The following NLGN1 variants were observed in gnomAD, a reference collection of about 807,000 sequenced individuals.
The protein encoded by NLGN1 is neuroligin-1.
A neutral mutation model predicts 65.5 loss-of-function variants in NLGN1; 12 were observed. The ratio of observed to expected loss-of-function variants is 0.18; its 90% CI spans 0.12 to 0.30. NLGN1 has a LOEUF of 0.30. Ranked by LOEUF, NLGN1 falls within the 10% of genes least tolerant of loss-of-function variation. The pLI, the probability that NLGN1 is intolerant of heterozygous loss-of-function variation, is 1.00. For synonymous variants in NLGN1, 350 were observed against 359.5 expected, an observed-to-expected ratio of 0.97 and a Z score of 0.30; for missense variants, 750 against 1,007.1, an observed-to-expected ratio of 0.74 and a Z score of 3.46.
In NLGN1 at chr3:173,805,481, A is replaced by G. The variant is rs537098921; in HGVS notation, c.494-2199A>G. Among the ~76,000 whole-genome samples, 12 of 152,300 alleles carry G rather than the reference A, an allele frequency of 7.9e-5. No homozygotes were observed. The South Asian group carries it at 2.1e-3, about 26-fold the overall frequency. On this transcript the variant is annotated intron_variant, in intron 3 of 6. Coordinates refer to ENST00000457714, the Ensembl canonical transcript of NLGN1. ...CCACTCAAAATAGCTCCTAGAATCT[A>G]TTGTCATATTTTCAGTGTTTTCTGA... is the stretch of plus-strand genomic sequence containing the variant.
chr3:173,581,793 T>A (rs943331251), intron 2 of NLGN1, among the ~76,000 whole-genome samples: 1 of 151,936 alleles, frequency 6.6e-6, no homozygotes, highest in East Asian at 1.9e-4. Flanking sequence ...TTCACAGGAA[T>A]AATGTAGTCT....
At chr3:174,275,055 CT>C (rs1750280602) in intron 4 of NLGN1, among the ~76,000 whole-genome samples, 1 of 151,824 alleles carries the variant, frequency 6.6e-6, no homozygotes, top group Non-Finnish European at 1.5e-5. Flanking sequence ...GAATGTTTGC[CT>C]TCCCTTTATC....
intron 3 of NLGN1, among the ~76,000 whole-genome samples, chr3:173,771,151 A>G (rs1484137165): frequency 6.6e-6 from 1 of 152,064 alleles, no homozygotes; most frequent in Non-Finnish European, 1.5e-5. Flanking sequence ...TTTTGCTTCT[A>G]TTACTTCTAA....
intron 2 of NLGN1, among the ~76,000 whole-genome samples, chr3:173,590,243 T>A (rs887934550): frequency 2.6e-5 from 4 of 152,162 alleles, no homozygotes; most frequent in African/African-American, 9.6e-5. Context: ...CTAATTTAAA[T>A]CTGTATTACT....
chr3:173,795,672 A>G (rs1364510479), intron 3 of NLGN1, among the ~76,000 whole-genome samples: 1 of 152,138 alleles, frequency 6.6e-6, no homozygotes, highest in Non-Finnish European at 1.5e-5. Flanking sequence ...ATATAGTAAC[A>G]TAATCCTGTC....
rs1005695230 is a variant in NLGN1 at position 173,539,688 on chromosome 3, A to G, written c.-320-64591A>G. The stretch of plus-strand genomic sequence containing the variant: ...ATATGCACATATATAACATACATAT[A>G]TGTACATATGCACATATATACATAT... On this transcript the variant is annotated intron_variant, in intron 2 of 6. Coordinates refer to ENST00000457714, the Ensembl canonical transcript of NLGN1. Among the ~76,000 whole-genome samples, 3 of 140,242 alleles carry G rather than the reference A, an allele frequency of 2.1e-5. No individual in the cohort carries two copies. The East Asian group carries it at 6.0e-4, about 28-fold the overall frequency. The allele number at this position is 140,242 out of a possible 152,430, so 92.0% of individuals were successfully genotyped here.
rs573338790 is a variant in NLGN1, at chr3:173,462,510, G to A, written c.-321+27432G>A. ...GACTTAAGGCTCTCTCTCTTTTTGC[G>A]TGCATTTCCTTGAATTCTTCATTTC... On this transcript the variant is annotated intron_variant, in intron 2 of 6. Coordinates refer to ENST00000457714, the Ensembl canonical transcript of NLGN1. Among the ~76,000 whole-genome samples the A allele has an allele frequency of 4.5e-4, 68 of 151,852 alleles. No individual in the cohort carries two copies. In the South Asian group the frequency reaches 0.013, roughly 30 times the overall value.
At position 173,862,505 on chromosome 3, in the gene NLGN1, CAAAAAAAAAAAA is replaced by C. The variant is rs10601211; in HGVS notation, c.646+54687_646+54698del. Reference sequence around the variant, plus strand: ...TGGGCGACAGAGCGAGACTCCGTCTCAAAAAAAAAAAAAAAAAAAAAAAAAGAAAATGAAAAC... The same window carrying C: ...TGGGCGACAGAGCGAGACTCCGTCTCAAAAAAAAAAAAAGAAAATGAAAAC... On this transcript the variant is annotated intron_variant, in intron 4 of 6. Coordinates refer to ENST00000457714, the Ensembl canonical transcript of NLGN1. 1.2e-4 allele frequency among the ~76,000 whole-genome samples: 5 copies of C among 41,710 alleles called. 1 individual carries two copies. The highest frequency in any genetic ancestry group is 2.8e-4 in the African/African-American group (4 of 14,374). The allele number at this position is 41,710 out of a possible 152,430, so 27.4% of individuals were successfully genotyped here.
chr3:173,660,506 G>A (rs899340737), intron 3 of NLGN1, among the ~76,000 whole-genome samples: 1 of 151,698 alleles, frequency 6.6e-6, no homozygotes, highest in Admixed American at 6.6e-5. Context: ...CCTCTAGAAA[G>A]TTATTGAAAC....
chr3:174,114,547 C>T (rs1417380249), intron 4 of NLGN1, among the ~76,000 whole-genome samples: 2 of 152,142 alleles, frequency 1.3e-5, no homozygotes, highest in Non-Finnish European at 2.9e-5. Context: ...CCAATCAAGT[C>T]ACAAAAATTA....
chr3:174,024,634 G>C lies in NLGN1; in HGVS notation c.646+216802G>C, dbSNP rs183187621. On this transcript the variant is annotated intron_variant, in intron 4 of 6. Coordinates refer to ENST00000457714, the Ensembl canonical transcript of NLGN1. The stretch of plus-strand genomic sequence containing the variant: ...AATAACATAAAATAAATAAAAAATA[G>C]TCATTATTCAGTGCTGTGGAAGGCT... Among the ~76,000 whole-genome samples, 58 of 152,256 alleles carry C rather than the reference G, an allele frequency of 3.8e-4. No homozygotes were observed. The East Asian group carries it at 9.9e-3, about 26-fold the overall frequency.
chr3:173,628,873 T>C (rs1315311291), intron 3 of NLGN1, among the ~76,000 whole-genome samples: 1 of 151,938 alleles, frequency 6.6e-6, no homozygotes, highest in Non-Finnish European at 1.5e-5. Flanking sequence ...TTTGTATTTT[T>C]AGTAGAGACA....
At chr3:173,873,335 C>A (rs1176079362) in intron 4 of NLGN1, among the ~76,000 whole-genome samples, 1 of 152,014 alleles carries the variant, frequency 6.6e-6, no homozygotes, top group Non-Finnish European at 1.5e-5. Context: ...GTGATCCGTC[C>A]ATCTCAGCCT....
chr3:173,646,386 C>T (rs1263481467), intron 3 of NLGN1, among the ~76,000 whole-genome samples: 1 of 152,178 alleles, frequency 6.6e-6, no homozygotes, highest in Non-Finnish European at 1.5e-5. Context: ...TAAGAGTTCA[C>T]CACTTTCTCT....
chr3:174,283,928 TATGA>T (rs1350163198), exon 7 of NLGN1: 2 of 151,402 alleles, frequency 1.3e-5, no homozygotes, highest in Non-Finnish European at 3.0e-5. Context: ...CAAAATAAGA[TATGA>T]ATGAATACTT....
At chr3:173,639,485 A>G (rs1467810730) in intron 3 of NLGN1, among the ~76,000 whole-genome samples, 2 of 152,218 alleles carry the variant, frequency 1.3e-5, no homozygotes, top group African/African-American at 4.8e-5. Flanking sequence ...TAAGGTTGGC[A>G]TCCAGTCATA....
At chr3:173,637,972 A>G (rs1756850859) in intron 3 of NLGN1, among the ~76,000 whole-genome samples, 1 of 152,182 alleles carries the variant, frequency 6.6e-6, no homozygotes, top group African/African-American at 2.4e-5. Flanking sequence ...CTTTGATGAT[A>G]AACCATTCAC....
At chr3:173,965,669 T>C (rs917811626) in intron 4 of NLGN1, among the ~76,000 whole-genome samples, 1 of 152,054 alleles carries the variant, frequency 6.6e-6, no homozygotes, top group African/African-American at 2.4e-5. Context: ...TGTCCCACAA[T>C]TGGGAGAGAA....
At position 173,789,680 on chromosome 3, in the gene NLGN1, C is replaced by G. The variant is rs1047674465; in HGVS notation, c.494-18000C>G. Among the ~76,000 whole-genome samples, 9 of 152,318 alleles carry G rather than the reference C, an allele frequency of 5.9e-5. No homozygotes were observed. In the East Asian group the frequency reaches 1.7e-3, roughly 29 times the overall value. On this transcript the variant is annotated intron_variant, in intron 3 of 6. Transcript: ENST00000457714. ...AGCACCTGTAATTCAGGGATGAGCC[C>G]TCTCATGCTGGTGAGGCCTCTGTGT...
Sources: gnomAD v4.1 joint callset for allele counts (sites outside exome capture counted in the v4.1 genomes callset) on GRCh38, gnomAD v4.1.1 for gene constraint, MANE v1.5 for transcripts, NCBI Gene and HGNC (gene_info 2026-07-23, HGNC 2026-07-21) for gene names.